Variants in NUP98 observed in about 807,000 individuals in gnomAD.
NUP98 encodes nucleoporin 98 and 96 precursor, also known as nuclear pore complex protein Nup98-Nup96.
Under a neutral mutation model 191.9 loss-of-function variants are expected in NUP98, and 26 were observed. That is an observed-to-expected ratio of 0.14 (90% CI 0.10 to 0.19). The LOEUF is 0.19. Ranked by LOEUF, NUP98 falls within the 10% of genes least tolerant of loss-of-function variation. The pLI, the probability that NUP98 is intolerant of heterozygous loss-of-function variation, is 1.00. For synonymous variants in NUP98, 808 were observed against 778.4 expected (o/e 1.04, Z -0.63); for missense variants, 1,941 against 2,178.8 (o/e 0.89, Z 2.17).
Position 3,683,347 on chromosome 11 carries a change from T to C in NUP98, c.4771A>G (p.Lys1591Glu). 1 of 1,614,170 alleles carries C rather than the reference T, an allele frequency of 6.2e-7. No homozygotes were observed. Among genetic ancestry groups the C allele is most frequent in the Non-Finnish European group, 8.5e-7 (1 of 1,180,034 alleles). Residue 1591 changes from lysine to glutamate, a missense_variant, in exon 30 of 33, where the codon AAG becomes GAG. Physicochemically the swap from Lys to Glu is moderately conservative, Grantham distance 56 (BLOSUM62 1). Transcript: ENST00000324932. Reference sequence around the variant, plus strand: ...ATCCATTTGGCAGGTACACGGAGCTTCTGGGTAAGGAAAGTCTCTTTAGCC... The same window carrying C: ...ATCCATTTGGCAGGTACACGGAGCTCCTGGGTAAGGAAAGTCTCTTTAGCC... ...SWAKETFLTQ[K>E]LRVPAKWIHE... is the part of the protein sequence containing the mutation.
Position 3,683,258 on chromosome 11 carries a change from T to A in NUP98, c.4860A>T (p.Leu1620Phe). ...AGCGGTTCCAGTGCTCAGCCTTAAA[T>A]AAGCAAAGGGCCTCTAAGTGCTTGT... The part of the protein sequence containing the change: ...ESDKHLEALC[L>F]FKAEHWNRCH... The change falls in exon 30 of 33, where the codon TTA becomes TTT. Residue 1620 changes from leucine (L) to phenylalanine (F), a missense_variant. Transcript: ENST00000324932. 6.2e-7 allele frequency: 1 copy of A among 1,614,178 alleles called. No homozygotes were observed. Among genetic ancestry groups the A allele is most frequent in the Non-Finnish European group, 8.5e-7 (1 of 1,180,036 alleles).
At chr11:3,785,621 C>T (rs990984440) in intron 1 of NUP98, among the ~76,000 whole-genome samples, 2 of 152,056 alleles carry the variant, frequency 1.3e-5, no homozygotes, top group African/African-American at 4.8e-5. Context: ...CAGCTGATAG[C>T]GGTGGTGCAC....
In NUP98 at chr11:3,693,383, A is replaced by T. The variant is rs774472197; in HGVS notation, c.4168-8T>A. ...TTCTGAGAGCTGCCACACCTGTGCG[A>T]AACAAAATCATCACCATGGCTATAT... On this transcript the variant is annotated splice_polypyrimidine_tract_variant and splice_region_variant and intron_variant, in intron 26 of 32. Coordinates refer to ENST00000324932, the MANE Select transcript of NUP98 (RefSeq NM_016320.5). The T allele has an allele frequency of 2.5e-6, 4 of 1,613,936 alleles. No individual in the cohort carries two copies. Among genetic ancestry groups the T allele is most frequent in the Non-Finnish European group, 3.4e-6 (4 of 1,179,844 alleles).
chr11:3,756,421 T>A (rs1374644958), intron 10 of NUP98, among the ~76,000 whole-genome samples: 1 of 152,154 alleles, frequency 6.6e-6, no homozygotes, highest in Non-Finnish European at 1.5e-5. Flanking sequence ...TTCATTTTCA[T>A]ATCACTGAAG....
chr11:3,778,155 C>A (rs2081815091), intron 4 of NUP98, among the ~76,000 whole-genome samples: 1 of 144,716 alleles, frequency 6.9e-6, no homozygotes, highest in African/African-American at 2.6e-5. Flanking sequence ...GCCGAGATTG[C>A]GCCACTACAC....
chr11:3,764,768 C>T (rs1471147472), intron 8 of NUP98, among the ~76,000 whole-genome samples: 3 of 152,248 alleles, frequency 2.0e-5, no homozygotes, highest in East Asian at 1.9e-4. Context: ...TTAGTAGAGA[C>T]GGGGTTTCAC....
chr11:3,709,282 C>T (rs2078960337), intron 20 of NUP98, among the ~76,000 whole-genome samples: 2 of 152,124 alleles, frequency 1.3e-5, no homozygotes, highest in Non-Finnish European at 2.9e-5. Flanking sequence ...GTGGCTTATA[C>T]CTGTAATTCC....
At chr11:3,792,592 C>G (rs1034902120) in intron 1 of NUP98, among the ~76,000 whole-genome samples, 13 of 152,006 alleles carry the variant, frequency 8.6e-5, no homozygotes, top group Non-Finnish European at 1.8e-4. Context: ...GCCTGGGTGA[C>G]AAAGCAAGAC....
chr11:3,735,359 T>A lies in NUP98; in HGVS notation c.1409-35A>T, dbSNP rs553067198. 137 of 1,142,004 alleles carry A rather than the reference T, an allele frequency of 1.2e-4. 1 individual carries two copies. In the East Asian group the frequency reaches 2.5e-3, roughly 21 times the overall value. 70.7% of individuals were successfully genotyped at this position (1,142,004 alleles called of 1,614,324 possible). ...AAAAAAAAAGAAAACAAAATATATATATATATATAAATGCAAGGATACAAT... is the reference window on the plus strand; with the variant it reads ...AAAAAAAAAGAAAACAAAATATATAAATATATATAAATGCAAGGATACAAT... On this transcript the variant is annotated intron_variant, in intron 12 of 32. Transcript: ENST00000324932.
intron 31 of NUP98, among the ~76,000 whole-genome samples, chr11:3,678,808 A>G (rs2077895899): frequency 6.6e-6 from 1 of 152,124 alleles, no homozygotes; most frequent in African/African-American, 2.4e-5. Flanking sequence ...GACTCATTTT[A>G]CGACTACAAA....
intron 16 of NUP98, among the ~76,000 whole-genome samples, chr11:3,722,587 G>T (rs1434912401): frequency 6.6e-6 from 1 of 152,096 alleles, no homozygotes; most frequent in Non-Finnish European, 1.5e-5. Flanking sequence ...AGCACTTTGG[G>T]AGGCCAAGAT....
intron 10 of NUP98, 81 bp from the exon 11 acceptor site, chr11:3,753,489 G>A: frequency 9.4e-7 from 1 of 1,065,718 alleles, no homozygotes; most frequent in South Asian, 1.4e-5. Flanking sequence ...ACACAAAGCA[G>A]TCTGACTTTA....
intron 11 of NUP98, 143 bp from the exon 12 acceptor site, chr11:3,744,792 T>TA: frequency 1.2e-6 from 1 of 843,574 alleles, no homozygotes; most frequent in Non-Finnish European, 1.8e-6. Context: ...CGGTAAGTGT[T>TA]ACTGCAGGTC....
intron 14 of NUP98, among the ~76,000 whole-genome samples, chr11:3,728,810 T>C (rs547787131): frequency 4.9e-4 from 75 of 152,228 alleles, no homozygotes; most frequent in Middle Eastern, 3.4e-3. Flanking sequence ...AGGCAAGAGA[T>C]AGTGGTGGCT....
intron 1 of NUP98, among the ~76,000 whole-genome samples, chr11:3,782,499 TAGG>T (rs954782802): frequency 6.6e-6 from 1 of 151,472 alleles, no homozygotes; most frequent in Non-Finnish European, 1.5e-5. Flanking sequence ...ATGATCCTCA[TAGG>T]AGGTTATGAA....
intron 12 of NUP98, among the ~76,000 whole-genome samples, chr11:3,739,079 G>A (rs1055502862): frequency 6.6e-6 from 1 of 152,112 alleles, no homozygotes; most frequent in African/African-American, 2.4e-5. Flanking sequence ...GGGCAGTAAT[G>A]TTAAGGCACA....
intron 11 of NUP98, among the ~76,000 whole-genome samples, chr11:3,749,041 G>T (rs1326270070): frequency 6.6e-6 from 1 of 152,026 alleles, no homozygotes; most frequent in Non-Finnish European, 1.5e-5. Context: ...GGGCGCGGTG[G>T]CTCACGCCTG....
At chr11:3,763,705 G>C (rs1212396601) in intron 8 of NUP98, among the ~76,000 whole-genome samples, 1 of 151,898 alleles carries the variant, frequency 6.6e-6, no homozygotes, top group Non-Finnish European at 1.5e-5. Context: ...CACGCCACCA[G>C]GCCTGGCTAA....
chr11:3,695,624 GT>G lies in NUP98; in HGVS notation c.4010-19del, dbSNP rs763434820. The stretch of plus-strand genomic sequence containing the variant: ...ATGATCCCCTATAAGAGAAATGGAA[GT>G]TTTTTGGTTATTACTAAGGGTTTAT... On this transcript the variant is annotated intron_variant, in intron 25 of 32. Transcript: ENST00000324932. 2.0e-6 allele frequency: 3 copies of G among 1,524,582 alleles called. No individual in the cohort carries two copies. Among genetic ancestry groups the G allele is most frequent in the African/African-American group, 1.4e-5 (1 of 71,682 alleles). 94.4% of individuals were successfully genotyped at this position (1,524,582 alleles called of 1,614,324 possible). A position where few individuals can be genotyped will look rare whatever the true frequency, so the allele number is the denominator to read the frequency against.
Sources: allele counts gnomAD v4.1 joint callset (sites outside exome capture counted in the v4.1 genomes callset), GRCh38; gene constraint gnomAD v4.1.1; transcripts MANE v1.5; gene names NCBI Gene and HGNC (gene_info 2026-07-23, HGNC 2026-07-21).